WNT2B: variants seen among roughly 807,000 people sequenced by gnomAD.
WNT2B encodes the protein protein Wnt-2b.
In WNT2B, 19 loss-of-function variants were observed where a neutral mutation model predicts 40.5. That is an observed-to-expected ratio of 0.47 (90% confidence interval 0.33 to 0.69). WNT2B has a LOEUF of 0.69. WNT2B is among the 30% of genes least tolerant of loss of function. The pLI is 0.02. For synonymous variants in WNT2B, 220 were observed against 211.9 expected, an observed-to-expected ratio of 1.04 and a Z score of -0.33; for missense variants, 467 against 556.4, an observed-to-expected ratio of 0.84 and a Z score of 1.62.
At chr1:112,508,495 G>A (rs1221466351), upstream of WNT2B, among the ~76,000 whole-genome samples, 1 of 152,034 alleles carries the variant, frequency 6.6e-6, no homozygotes, top group African/African-American at 2.4e-5. This position sits in a 1 kb window ranked among gnomAD's most constrained non-coding sequence, Gnocchi z 4.2. Flanking sequence ...GTGTTGAAAA[G>A]GTAGTTAAGA....
intron 1 of WNT2B, among the ~76,000 whole-genome samples, chr1:112,479,973 A>G (rs1651174181): frequency 6.6e-6 from 1 of 152,028 alleles, no homozygotes; most frequent in Middle Eastern, 3.4e-3. Context: ...CAGCCTCCCA[A>G]AGTGCTGGGA....
intron 1 of WNT2B, among the ~76,000 whole-genome samples, chr1:112,503,424 T>C (rs543521468): frequency 6.6e-6 from 1 of 152,210 alleles, no homozygotes; most frequent in South Asian, 2.1e-4. Context: ...CTCCCTGCAC[T>C]GTGTTGCAGG....
chr1:112,509,464 TG>T lies in WNT2B; in HGVS notation c.182+23del, dbSNP rs1199687449. The stretch of plus-strand genomic sequence containing the variant: ...CTGGTGGTAAGTGTGGCTCTCAGGC[TG>T]GGCGGGTGAGGCGCTTGGTAGGAGA... On this transcript the variant is annotated intron_variant, in intron 1 of 4. Transcript: ENST00000369684. This position sits in a 1 kb window ranked among gnomAD's most constrained non-coding sequence, Gnocchi z 4.2. 1 of 1,551,756 alleles carries T rather than the reference TG, an allele frequency of 6.4e-7. No individual in the cohort carries two copies. The highest frequency in any genetic ancestry group is 8.6e-7 in the Non-Finnish European group (1 of 1,162,738).
At chr1:112,496,541 A>G (rs1308943969) in intron 1 of WNT2B, among the ~76,000 whole-genome samples, 1 of 151,802 alleles carries the variant, frequency 6.6e-6, no homozygotes, top group African/African-American at 2.4e-5. Context: ...AAACCAAACA[A>G]CTTACATGCT....
At chr1:112,505,545 G>T (rs1652082379), upstream of WNT2B, among the ~76,000 whole-genome samples, 1 of 152,194 alleles carries the variant, frequency 6.6e-6, no homozygotes, top group Non-Finnish European at 1.5e-5. Flanking sequence ...GAAGATGCAG[G>T]TCAGGAGCTA....
At chr1:112,491,139 G>A in intron 1 of WNT2B, 1 of 1,516,280 alleles carries the variant, frequency 6.6e-7, no homozygotes, top group Admixed American at 1.8e-5. Context: ...GGCCTGCACG[G>A]TGGCTCGTGC....
rs371756694 is a variant in WNT2B, at chr1:112,509,630, C to T, written c.182+186C>T. 2.0e-5 allele frequency among the ~76,000 whole-genome samples: 3 copies of T among 152,352 alleles called. No individual in the cohort carries two copies. In the East Asian group the frequency reaches 5.8e-4, roughly 29 times the overall value. On this transcript the variant is annotated intron_variant, in intron 1 of 4. Transcript: ENST00000369684. The surrounding 1 kb of genome is among the most constrained non-coding windows in gnomAD (Gnocchi z 4.2). ...GGGTGAGGCGCCGCGTCTTACACGA[C>T]TGGTGAGAAAGGCGCTGGGCATTCG...
chr1:112,520,512 A>G lies in WNT2B; in HGVS notation c.*3A>G. The stretch of plus-strand genomic sequence containing the variant: ...CAGAGTGGCTGGACCAAACCTGAAC[A>G]CACAGATACCTCACTCATCCCTCCA... On this transcript the variant is annotated 3_prime_UTR_variant, in exon 5 of 5. Coordinates refer to ENST00000369684, the MANE Select transcript of WNT2B (RefSeq NM_024494.3). 1 of 1,613,478 alleles carries G rather than the reference A, an allele frequency of 6.2e-7. No homozygotes were observed. The highest frequency in any genetic ancestry group is 1.1e-5 in the South Asian group (1 of 91,010).
At chr1:112,474,115 A>G (rs1294798418) in intron 1 of WNT2B, among the ~76,000 whole-genome samples, 2 of 151,942 alleles carry the variant, frequency 1.3e-5, no homozygotes, top group Admixed American at 1.3e-4. Context: ...TCATAATCAA[A>G]AAGCCTAAAA....
rs1253249705 is a variant in WNT2B at position 112,524,146 on chromosome 1, T to A, written c.*3637T>A. 6.6e-6 allele frequency: 1 copy of A among 152,638 alleles called. No homozygotes were observed. Among genetic ancestry groups the A allele is most frequent in the Non-Finnish European group, 1.5e-5 (1 of 68,054 alleles). 9.5% of individuals were successfully genotyped at this position (152,638 alleles called of 1,614,324 possible). A position where few individuals can be genotyped will look rare whatever the true frequency, so the allele number is the denominator to read the frequency against. ...GCAGGGAGTAATTTCTTCTCCTTTG[T>A]CTCACTTCCCTTATCAAGAACACCA... On this transcript the variant is annotated 3_prime_UTR_variant, in exon 5 of 5. Transcript: ENST00000369684.
At chr1:112,475,683 GA>G (rs1408232306) in intron 1 of WNT2B, among the ~76,000 whole-genome samples, 2 of 151,356 alleles carry the variant, frequency 1.3e-5, no homozygotes, top group African/African-American at 4.9e-5. Context: ...AAGCAACCAT[GA>G]AAAAAAGCAA....
In WNT2B at chr1:112,490,131, CAAACAA is replaced by C. The variant is rs1270671745; in HGVS notation, c.-95+22541_-95+22546del. On this transcript the variant is annotated intron_variant, in intron 1 of 4. Transcript: ENST00000256640. Reference sequence around the variant, plus strand: ...AAATGGGATACAGGAAATAAAGAAACAAACAAGAGAGACACCTCGCACAGGTCGATG... The same window carrying C: ...AAATGGGATACAGGAAATAAAGAAACGAGAGACACCTCGCACAGGTCGATG... 1.5e-4 allele frequency among the ~76,000 whole-genome samples: 9 copies of C among 61,502 alleles called. No homozygotes were observed. The East Asian group carries it at 2.8e-3, about 19-fold the overall frequency. The allele number at this position is 61,502 out of a possible 152,430, so 40.3% of individuals were successfully genotyped here.
intron 1 of WNT2B, among the ~76,000 whole-genome samples, chr1:112,478,828 C>T (rs1319022820): frequency 1.3e-5 from 2 of 152,172 alleles, no homozygotes; most frequent in South Asian, 4.1e-4. Flanking sequence ...GAGGCTGAGG[C>T]AGGAGGCTTG....
intron 1 of WNT2B, among the ~76,000 whole-genome samples, chr1:112,486,837 T>C (rs1463621030): frequency 6.6e-6 from 1 of 152,186 alleles, no homozygotes; most frequent in East Asian, 1.9e-4. Context: ...ATATTATGTG[T>C]TGACGAGAAT....
intron 1 of WNT2B, among the ~76,000 whole-genome samples, chr1:112,494,017 G>A (rs1299339498): frequency 6.6e-6 from 1 of 151,872 alleles, no homozygotes; most frequent in Non-Finnish European, 1.5e-5. Context: ...AAGATAAAAA[G>A]TACATCTACC....
At chr1:112,481,030 A>C (rs966324300) in intron 1 of WNT2B, among the ~76,000 whole-genome samples, 5 of 152,086 alleles carry the variant, frequency 3.3e-5, no homozygotes, top group African/African-American at 7.2e-5. Flanking sequence ...TTAGCTGGGC[A>C]TGTTGGCAGG....
chr1:112,471,260 C>T (rs113694394), intron 1 of WNT2B, among the ~76,000 whole-genome samples: 81 of 152,324 alleles, frequency 5.3e-4, no homozygotes, highest in African/African-American at 1.9e-3. Flanking sequence ...CAGACCACCA[C>T]CCACACTAGT....
chr1:112,505,952 C>T (rs1557917461), upstream of WNT2B, among the ~76,000 whole-genome samples: 1 of 152,160 alleles, frequency 6.6e-6, no homozygotes, highest in Non-Finnish European at 1.5e-5. Flanking sequence ...ATGTTTCTGG[C>T]TGTACCCCCC....
intron 1 of WNT2B, among the ~76,000 whole-genome samples, chr1:112,480,727 T>C (rs1651199277): frequency 6.6e-6 from 1 of 152,220 alleles, no homozygotes; most frequent in South Asian, 2.1e-4. Context: ...TCAGAAGTTA[T>C]TCTGCAAGGC....
Sources: allele counts gnomAD v4.1 joint callset (sites outside exome capture counted in the v4.1 genomes callset), GRCh38; gene constraint gnomAD v4.1.1; non-coding constraint Gnocchi (gnomAD v3.1); transcripts MANE v1.5; gene names NCBI Gene and HGNC (gene_info 2026-07-23, HGNC 2026-07-21).